The following CAPN8 variants were observed in gnomAD, a reference collection of about 807,000 sequenced individuals.
The protein encoded by CAPN8 is calpain 8.
CAPN8 carries 87 observed loss-of-function variants against 80.9 expected under a neutral mutation model. The observed-to-expected ratio is 1.07, with a 90% CI of 0.90 to 1.28. The LOEUF is 1.28. CAPN8 is among the 50% of genes most tolerant of loss of function. The pLI is 0.00. For synonymous variants in CAPN8, 299 were observed against 273.8 expected (o/e 1.09, Z -0.91); for missense variants, 757 against 702.0 (o/e 1.08, Z -0.89).
chr1:223,655,050 G>A (rs1658446369), intron 1 of CAPN8, among the ~76,000 whole-genome samples: 1 of 151,982 alleles, frequency 6.6e-6, no homozygotes, highest in African/African-American at 2.4e-5. Context: ...GTGTGGAAAG[G>A]TGGTGAGGAG....
At position 223,665,671 on chromosome 1, in the gene CAPN8, A is replaced by G; in HGVS notation, c.-25T>C. On this transcript the variant is annotated 5_prime_UTR_variant, in exon 1 of 21. Transcript: ENST00000366872. ...TGGCCGTGGGCTCTGTAGGGTGGAC[A>G]GAAGGGCAGGGCTGCACTGTACTCT... 1 of 1,536,700 alleles carries G rather than the reference A, an allele frequency of 6.5e-7. No individual in the cohort carries two copies. The highest frequency in any genetic ancestry group is 8.8e-7 in the Non-Finnish European group (1 of 1,134,626).
intron 1 of CAPN8, among the ~76,000 whole-genome samples, chr1:223,656,668 GTTTTTTTGTTTTGTTTT>G (rs1298903207): frequency 2.1e-5 from 2 of 94,798 alleles, no homozygotes; most frequent in Non-Finnish European, 4.2e-5. Flanking sequence ...CACGTTTTGG[GTTTTTTTGTTTTGTTTT>G]TTTTTTTTTT....
intron 7 of CAPN8, 74 bp downstream of exon 7, chr1:223,622,741 C>A: frequency 8.8e-7 from 1 of 1,138,188 alleles, no homozygotes; most frequent in South Asian, 1.3e-5. Context: ...ACATCGATCT[C>A]ATTGTTGTGT....
intron 13 of CAPN8, among the ~76,000 whole-genome samples, chr1:223,555,628 C>T (rs1032841301): frequency 5.9e-5 from 9 of 152,150 alleles, no homozygotes; most frequent in African/African-American, 2.2e-4. Context: ...GAGTAATATT[C>T]TCCATGTCTG....
At chr1:223,624,160 G>T (rs184592305) in intron 6 of CAPN8, among the ~76,000 whole-genome samples, 12 of 152,130 alleles carry the variant, frequency 7.9e-5, no homozygotes, top group African/African-American at 2.4e-4. Flanking sequence ...AGGCTCTCAA[G>T]CGCCTGCCCG....
chr1:223,648,639 A>T (rs1239204574), intron 2 of CAPN8, among the ~76,000 whole-genome samples: 1 of 152,234 alleles, frequency 6.6e-6, no homozygotes, highest in African/African-American at 2.4e-5. Context: ...AGAGAAGGCA[A>T]CTGGATTTAG....
chr1:223,633,394 T>TAA (rs71225286), intron 2 of CAPN8, among the ~76,000 whole-genome samples: 34,728 of 143,876 alleles, frequency 0.24, 4,322 homozygotes, highest in African/African-American at 0.33. Context: ...AATGCTCTCT[T>TAA]AAAAAAAAAA....
At chr1:223,551,170 T>C (rs1482503963) in intron 14 of CAPN8, among the ~76,000 whole-genome samples, 153 bp from the exon 15 acceptor site, 1 of 151,822 alleles carries the variant, frequency 6.6e-6, no homozygotes, top group African/African-American at 2.4e-5. Context: ...TTTGAGACAG[T>C]CTTACTCTGT....
At chr1:223,629,177 C>A (rs1657696430) in intron 2 of CAPN8, among the ~76,000 whole-genome samples, 1 of 139,308 alleles carries the variant, frequency 7.2e-6, no homozygotes, top group Non-Finnish European at 1.6e-5. Flanking sequence ...TTAATCCAAT[C>A]TATGATGTGT....
At chr1:223,619,247 G>A (rs1657301452) in intron 9 of CAPN8, 46 bp downstream of exon 9, 1 of 1,544,486 alleles carries the variant, frequency 6.5e-7, no homozygotes, top group Non-Finnish European at 8.8e-7. Flanking sequence ...CCAGCTCAGG[G>A]AGGATAAGCT....
At chr1:223,660,969 C>T (rs1205769074) in intron 1 of CAPN8, among the ~76,000 whole-genome samples, 1 of 152,108 alleles carries the variant, frequency 6.6e-6, no homozygotes, top group African/African-American at 2.4e-5. Flanking sequence ...GAGTTTGAGA[C>T]CAGCCTCGCC....
intron 1 of CAPN8, among the ~76,000 whole-genome samples, chr1:223,663,352 C>T (rs963719101): frequency 7.2e-5 from 11 of 152,186 alleles, no homozygotes; most frequent in African/African-American, 2.7e-4. Flanking sequence ...TCCTTCCTCT[C>T]CCCCAAGACC....
At chr1:223,610,508 C>T (rs540333173) in intron 11 of CAPN8, among the ~76,000 whole-genome samples, 2 of 152,290 alleles carry the variant, frequency 1.3e-5, no homozygotes, top group African/African-American at 4.8e-5. Flanking sequence ...CTTGCCATAC[C>T]TGATGGTAGC....
intron 1 of CAPN8, among the ~76,000 whole-genome samples, chr1:223,658,755 A>C (rs1012747217): frequency 2.6e-5 from 4 of 152,164 alleles, no homozygotes; most frequent in African/African-American, 7.2e-5. Context: ...GCAGTGAGCC[A>C]AGATCGCGCC....
chr1:223,626,080 C>T (rs553851166), intron 5 of CAPN8, among the ~76,000 whole-genome samples, 192 bp from the exon 6 acceptor site: 3 of 152,148 alleles, frequency 2.0e-5, no homozygotes, highest in Non-Finnish European at 4.4e-5. Context: ...CCTGTAGTTC[C>T]GGGCCAGTGC....
chr1:223,654,252 G>T, intron 2 of CAPN8, 78 bp downstream of exon 2: 2 of 1,268,998 alleles, frequency 1.6e-6, no homozygotes, highest in Non-Finnish European at 2.2e-6. Context: ...AAGTCTCACA[G>T]CTTCATCTGA....
At chr1:223,632,454 C>T (rs1398340576) in intron 2 of CAPN8, among the ~76,000 whole-genome samples, 1 of 152,146 alleles carries the variant, frequency 6.6e-6, no homozygotes, top group African/African-American at 2.4e-5. Flanking sequence ...CTCACTGCAG[C>T]CTTGACCTCC....
At chr1:223,629,856 A>G (rs73123901) in intron 2 of CAPN8, among the ~76,000 whole-genome samples, 6,114 of 152,214 alleles carry the variant, frequency 0.04, 299 homozygotes, top group African/African-American at 0.12. Context: ...TATTCATTCC[A>G]TTCAAACAGC....
chr1:223,613,568 A>C (rs1261144459), intron 10 of CAPN8, among the ~76,000 whole-genome samples: 1 of 152,246 alleles, frequency 6.6e-6, no homozygotes, highest in Non-Finnish European at 1.5e-5. Context: ...GTAAGGGAGC[A>C]GGCCTTAGCC....
Sources: gnomAD v4.1 joint callset for allele counts (sites outside exome capture counted in the v4.1 genomes callset) on GRCh38, gnomAD v4.1.1 for gene constraint, MANE v1.5 for transcripts, NCBI Gene and HGNC (gene_info 2026-07-23, HGNC 2026-07-21) for gene names.